The following NRP2 variants were observed in gnomAD, a reference collection of about 807,000 sequenced individuals.
NRP2 encodes the protein neuropilin 2.
NRP2 carries 52 observed loss-of-function variants against 110.4 expected under a neutral mutation model. The ratio of observed to expected loss-of-function variants is 0.47; its 90% CI spans 0.38 to 0.59. The LOEUF (loss-of-function observed/expected upper bound fraction) is 0.59, where lower values mean the gene tolerates loss of function less well. NRP2 is among the 20% of genes least tolerant of loss of function. The probability of loss-of-function intolerance (pLI) is 0.00; values close to 1 mark genes in which losing one functional copy is unlikely to be tolerated. For synonymous variants in NRP2, 508 were observed against 468.9 expected, an observed-to-expected ratio of 1.08 and a Z score of -1.08; for missense variants, 1,049 against 1,203.0, an observed-to-expected ratio of 0.87 and a Z score of 1.89.
intron 2 of NRP2, among the ~76,000 whole-genome samples, chr2:205,704,640 C>A (rs1012702559): frequency 3.9e-5 from 6 of 152,232 alleles, no homozygotes; most frequent in Non-Finnish European, 8.8e-5. Context: ...GACTGTTCTC[C>A]TCTTACCAAG....
At chr2:205,743,649 C>G in intron 9 of NRP2, 97 bp downstream of exon 9, 1 of 1,519,628 alleles carries the variant, frequency 6.6e-7, no homozygotes, top group African/African-American at 1.4e-5. Flanking sequence ...TCTAAACAGT[C>G]GTCATCCAAC....
rs1305529626 is a variant in NRP2 at position 205,794,763 on chromosome 2, A to C, written c.2486A>C (p.Glu829Ala). 1.2e-6 allele frequency: 2 copies of C among 1,614,118 alleles called. No homozygotes were observed. The highest frequency in any genetic ancestry group is 3.3e-5 in the Admixed American group (2 of 60,020). ...GYEDEIDDEY[E>A]VDWSNSSSAT... is the part of the protein sequence containing the mutation. ...ATTTTATGTATCGCAGATGAATACG[A>C]GGTGGACTGGAGCAATTCTTCTTCT... The change falls in exon 17 of 17, where the codon GAG becomes GCG. Residue 829 changes from glutamate to alanine, a missense_variant. By Grantham distance (107) the Glu-to-Ala change is moderately radical (BLOSUM62 -1). Coordinates refer to ENST00000357785, the MANE Select transcript of NRP2 (RefSeq NM_003872.3).
chr2:205,725,933 CT>C lies in NRP2; in HGVS notation c.842del (p.Leu281ArgfsTer56). The C allele has an allele frequency of 6.2e-7, 1 of 1,614,182 alleles. No homozygotes were observed. The highest frequency in any genetic ancestry group is 8.5e-7 in the Non-Finnish European group (1 of 1,180,036). On this transcript the variant is annotated frameshift_variant, in exon 6 of 17. Coordinates refer to ENST00000357785, the MANE Select transcript of NRP2 (RefSeq NM_003872.3). LOFTEE classifies it high-confidence loss of function. The surrounding 1 kb of genome is among the most constrained non-coding windows in gnomAD (Gnocchi z 4.1). ...CCCAGACTTTCAGTGCAATGTTCCTCTGGGCATGGAGTCTGGCCGGATTGCT... is the reference window on the plus strand; with the variant it reads ...CCCAGACTTTCAGTGCAATGTTCCTCGGGCATGGAGTCTGGCCGGATTGCT... ...PLENFQCNVP[L>X]GMESGRIANE...
intron 1 of NRP2, among the ~76,000 whole-genome samples, chr2:205,696,622 C>T (rs2056432919): frequency 6.6e-6 from 1 of 152,216 alleles, no homozygotes; most frequent in South Asian, 2.1e-4. Flanking sequence ...AGGTGGCTCC[C>T]TTCCCTCCCA....
rs1323516413 is a variant in NRP2, at chr2:205,745,845, G to A, written c.1741G>A (p.Ala581Thr). The A allele has an allele frequency of 1.9e-6, 3 of 1,614,064 alleles. No individual in the cohort carries two copies. Among genetic ancestry groups the A allele is most frequent in the Admixed American group, 1.7e-5 (1 of 60,006 alleles). ...GGTATACCCGGAGAGGTGGTCGCCG[G>A]CGGGGATTGGGATGCGGCTGGAGGT... ...VRVYPERWSP[A>T]GIGMRLEVLG... The change falls in exon 10 of 17, where the codon GCG becomes ACG. Residue 581 changes from alanine to threonine, a missense_variant. Ala to Thr is a moderately conservative substitution (Grantham distance 58). Transcript: ENST00000357785.
At chr2:205,712,846 G>C (rs1434723587) in intron 2 of NRP2, among the ~76,000 whole-genome samples, 1 of 152,168 alleles carries the variant, frequency 6.6e-6, no homozygotes, top group Non-Finnish European at 1.5e-5. Context: ...AAACCTTATA[G>C]AAAAATCTAG....
chr2:205,702,424 G>A (rs1050030180), intron 2 of NRP2, among the ~76,000 whole-genome samples: 10 of 152,352 alleles, frequency 6.6e-5, no homozygotes, highest in East Asian at 1.9e-4. Flanking sequence ...GTGACAAAGC[G>A]TAAGAGCAAC....
chr2:205,723,375 C>G (rs2057059827), intron 4 of NRP2, among the ~76,000 whole-genome samples: 1 of 152,146 alleles, frequency 6.6e-6, no homozygotes, highest in South Asian at 2.1e-4. Context: ...AGAGCAATTT[C>G]ATTTCCTGGG....
chr2:205,730,373 G>C (rs546524685), intron 7 of NRP2, among the ~76,000 whole-genome samples: 1 of 152,176 alleles, frequency 6.6e-6, no homozygotes, highest in African/African-American at 2.4e-5. Flanking sequence ...GTGGGGGTTG[G>C]GGAGGGACTT....
chr2:205,743,509 A>G lies in NRP2; in HGVS notation c.1598A>G (p.Lys533Arg), dbSNP rs758760273. The G allele has an allele frequency of 1.2e-5, 19 of 1,614,090 alleles. No homozygotes were observed. The African/African-American group carries it at 2.3e-4, about 19-fold the overall frequency. ...KFKVSYSLNG[K>R]DWEYIQDPRT... ...AAAGTCTCCTACAGCCTAAACGGCA[A>G]GGACTGGGAATACATTCAGGACCCC... is the stretch of plus-strand genomic sequence containing the variant. Residue 533 changes from lysine (K) to arginine (R), a missense_variant, in exon 9 of 17, where the codon AAG becomes AGG. Coordinates refer to ENST00000357785, the MANE Select transcript of NRP2 (RefSeq NM_003872.3).
At chr2:205,713,584 G>A (rs1285488463) in intron 2 of NRP2, among the ~76,000 whole-genome samples, 1 of 152,216 alleles carries the variant, frequency 6.6e-6, no homozygotes, top group Non-Finnish European at 1.5e-5. Context: ...GTGAGGAAAT[G>A]TATGTATACC....
At chr2:205,775,409 C>T (rs2058082552) in intron 15 of NRP2, among the ~76,000 whole-genome samples, 1 of 152,206 alleles carries the variant, frequency 6.6e-6, no homozygotes, top group South Asian at 2.1e-4. Context: ...CTTCTCTTCC[C>T]TGCTCTGTCT....
At chr2:205,766,905 A>C in intron 15 of NRP2, 102 bp downstream of exon 15, 2 of 1,096,464 alleles carry the variant, frequency 1.8e-6, no homozygotes, top group African/African-American at 3.1e-5. Context: ...AAATTTGTCA[A>C]ATCTCGCAAG....
chr2:205,736,977 T>C (rs575012851), intron 7 of NRP2, among the ~76,000 whole-genome samples: 2 of 152,252 alleles, frequency 1.3e-5, no homozygotes, highest in South Asian at 2.1e-4. Context: ...GGGAGAAAAA[T>C]AGAGACCTTG....
At chr2:205,778,269 A>T (rs2058129885) in intron 15 of NRP2, 1 of 148,280 alleles carries the variant, frequency 6.7e-6, no homozygotes, top group Non-Finnish European at 1.5e-5. Flanking sequence ...GCATTCTTTC[A>T]CGATATCCAG....
intron 15 of NRP2, among the ~76,000 whole-genome samples, chr2:205,775,178 A>G (rs1489499159): frequency 1.3e-5 from 2 of 152,178 alleles, no homozygotes; most frequent in Non-Finnish European, 2.9e-5. Context: ...AGTAAAGATC[A>G]TGTCTGGTTT....
intron 2 of NRP2, among the ~76,000 whole-genome samples, chr2:205,711,365 A>T (rs116582353): frequency 0.01 from 1,548 of 152,286 alleles, 10 homozygotes; most frequent in Non-Finnish European, 0.017. Flanking sequence ...GATTATAATC[A>T]TAGCTATGAA....
In NRP2 at chr2:205,794,872, C is replaced by T. The variant is rs757060576; in HGVS notation, c.2595C>T (p.Ile865=). 1.7e-5 allele frequency: 28 copies of T among 1,614,076 alleles called. No individual in the cohort carries two copies. The highest frequency in any genetic ancestry group is 1.5e-4 in the Admixed American group (9 of 60,010). Residue 865 remains isoleucine, a synonymous_variant, in exon 17 of 17, where the codon ATC becomes ATT. Transcript: ENST00000357785. ...TGGATCCCATCCTCATCACCATCATCGCCATGAGCTCACTGGGCGTCCTCC... is the reference window on the plus strand; with the variant it reads ...TGGATCCCATCCTCATCACCATCATTGCCATGAGCTCACTGGGCGTCCTCC... ...YTLDPILITI[I]AMSSLGVLLG...
intron 7 of NRP2, among the ~76,000 whole-genome samples, chr2:205,737,254 C>T (rs1208358150): frequency 6.6e-6 from 1 of 152,232 alleles, no homozygotes; most frequent in Admixed American, 6.5e-5. Flanking sequence ...TCTGCAAAAG[C>T]ACTTAGGCTG....
Sources: allele counts gnomAD v4.1 joint callset (sites outside exome capture counted in the v4.1 genomes callset), GRCh38; gene constraint gnomAD v4.1.1; non-coding constraint Gnocchi (gnomAD v3.1); transcripts MANE v1.5; gene names NCBI Gene and HGNC (gene_info 2026-07-23, HGNC 2026-07-21).